The following CDH12 variants were observed in gnomAD, a reference collection of about 807,000 sequenced individuals.
The protein encoded by CDH12 is cadherin 12, also known as cadherin-12.
CDH12 carries 41 observed loss-of-function variants against 74.1 expected under a neutral mutation model. The observed-to-expected ratio is 0.55, with a 90% CI of 0.43 to 0.72. The LOEUF (loss-of-function observed/expected upper bound fraction) is 0.72. CDH12 is among the 30% of genes least tolerant of loss of function. The pLI, the probability that CDH12 is intolerant of heterozygous loss-of-function variation, is 0.00. For synonymous variants in CDH12, 399 were observed against 355.0 expected (o/e 1.12, Z -1.39); for missense variants, 945 against 977.2 (o/e 0.97, Z 0.44).
chr5:21,901,869 G>C (rs1401660575), intron 6 of CDH12, among the ~76,000 whole-genome samples: 2 of 151,412 alleles, frequency 1.3e-5, no homozygotes, highest in African/African-American at 4.8e-5. Context: ...CACAAGTTTT[G>C]CTCCAACTGT....
intron 4 of CDH12, chr5:22,141,339 C>A (rs531266566): frequency 6.6e-6 from 1 of 152,094 alleles, no homozygotes; most frequent in Non-Finnish European, 1.5e-5. Context: ...GTAGTTGGAG[C>A]AAGTTAGTCT....
intron 1 of CDH12, among the ~76,000 whole-genome samples, chr5:22,847,189 AATTT>A (rs1305478315): frequency 6.6e-6 from 1 of 152,160 alleles, no homozygotes; most frequent in African/African-American, 2.4e-5. Flanking sequence ...TTACTTGAGA[AATTT>A]ATTTGAGGTT....
chr5:22,067,950 C>T (rs1278827359), intron 5 of CDH12, among the ~76,000 whole-genome samples: 1 of 151,892 alleles, frequency 6.6e-6, no homozygotes, highest in African/African-American at 2.4e-5. Flanking sequence ...TGCACTCCAG[C>T]CTGGGTGACA....
intron 5 of CDH12, among the ~76,000 whole-genome samples, 163 bp downstream of exon 5, chr5:22,078,283 T>C (rs925895445): frequency 2.6e-5 from 4 of 152,126 alleles, no homozygotes; most frequent in Admixed American, 2.0e-4. Flanking sequence ...TTCTGAAGCT[T>C]ACCCGGGCCA....
chr5:22,632,995 A>G (rs946616076), intron 1 of CDH12, among the ~76,000 whole-genome samples: 2 of 152,238 alleles, frequency 1.3e-5, no homozygotes, highest in African/African-American at 4.8e-5. Context: ...GGAATCCTCA[A>G]TGAAATTAAC....
At chr5:22,567,957 T>C (rs1739371513) in intron 1 of CDH12, among the ~76,000 whole-genome samples, 1 of 152,226 alleles carries the variant, frequency 6.6e-6, no homozygotes, top group Non-Finnish European at 1.5e-5. Flanking sequence ...TAGTTCCTCA[T>C]TCCTCAATAT....
chr5:22,830,014 C>A (rs1736517340), intron 1 of CDH12, among the ~76,000 whole-genome samples: 1 of 152,118 alleles, frequency 6.6e-6, no homozygotes, highest in South Asian at 2.1e-4. Context: ...ATAATATTTT[C>A]ATTATATCAC....
chr5:22,030,526 GC>G lies in CDH12; in HGVS notation c.231+47919del, dbSNP rs1738744593. ...CAATACCTAGTAAGTTATGCTGTAA[GC>G]AGATGTGCTGTCATCCAGGGTTTGT... On this transcript the variant is annotated intron_variant, in intron 5 of 14. Coordinates refer to ENST00000382254, the MANE Select transcript of CDH12 (RefSeq NM_004061.5). 2.0e-5 allele frequency among the ~76,000 whole-genome samples: 3 copies of G among 152,330 alleles called. No homozygotes were observed. In the South Asian group the frequency reaches 6.2e-4, roughly 32 times the overall value.
intron 3 of CDH12, among the ~76,000 whole-genome samples, chr5:22,251,342 A>G (rs113487603): frequency 6.6e-6 from 1 of 152,142 alleles, no homozygotes; most frequent in African/African-American, 2.4e-5. Context: ...TATAGGTGTG[A>G]GAGGGGCATG....
chr5:21,918,937 C>T (rs1006842634), intron 6 of CDH12, among the ~76,000 whole-genome samples: 8 of 152,112 alleles, frequency 5.3e-5, no homozygotes, highest in African/African-American at 1.9e-4. Context: ...TTCAGTTTTA[C>T]AAAGTCATAT....
intron 5 of CDH12, among the ~76,000 whole-genome samples, chr5:22,061,936 TTAAAG>T: frequency 6.6e-6 from 1 of 152,114 alleles, no homozygotes; most frequent in African/African-American, 2.4e-5. Context: ...TATCCTCACT[TTAAAG>T]TAACTATAGT....
chr5:22,714,306 A>G (rs145728098), intron 1 of CDH12, among the ~76,000 whole-genome samples: 1,546 of 152,278 alleles, frequency 0.01, 13 homozygotes, highest in Non-Finnish European at 0.016. Flanking sequence ...AACTTTCTAA[A>G]TAGAGTGGTT....
chr5:21,842,387 T>A (rs549616041), intron 7 of CDH12, 59 bp from the exon 8 acceptor site: 1 of 1,187,906 alleles, frequency 8.4e-7, no homozygotes, highest in African/African-American at 1.5e-5. Context: ...TTTTCTGAAA[T>A]AAAATAAAAT....
At chr5:22,066,667 A>G (rs2150211727) in intron 5 of CDH12, among the ~76,000 whole-genome samples, 1 of 152,306 alleles carries the variant, frequency 6.6e-6, no homozygotes, top group South Asian at 2.1e-4. Flanking sequence ...GGGAAAGTCC[A>G]AGGGGATACC....
intron 6 of CDH12, among the ~76,000 whole-genome samples, chr5:21,880,616 C>CTTTCTTTCTTTCT: frequency 2.0e-5 from 1 of 50,866 alleles, no homozygotes; most frequent in Non-Finnish European, 3.6e-5. Flanking sequence ...TCCTTCCTTC[C>CTTTCTTTCTTTCT]TTCTTTCTTT....
At chr5:21,880,572 T>TTCCTTCCTTCCTTCCTTCCTTCC (rs1579895240) in intron 6 of CDH12, among the ~76,000 whole-genome samples, 11 of 12,954 alleles carry the variant, frequency 8.5e-4, no homozygotes, top group Admixed American at 1.9e-3. Context: ...CCCTTCTTTC[T>TTCCTTCCTTCCTTCCTTCCTTCC]TTCCTTCCTT....
chr5:22,244,335 C>A (rs1170098755), intron 3 of CDH12, among the ~76,000 whole-genome samples: 2 of 151,110 alleles, frequency 1.3e-5, no homozygotes, highest in African/African-American at 4.9e-5. Flanking sequence ...CATAAAAATA[C>A]AAAAATTAGC....
chr5:22,635,891 C>G (rs2126863169), intron 1 of CDH12, among the ~76,000 whole-genome samples: 1 of 151,400 alleles, frequency 6.6e-6, no homozygotes, highest in Admixed American at 6.6e-5. Context: ...CCAGCCTGGG[C>G]CACAGAATGA....
At chr5:22,394,225 G>A (rs1378970773) in intron 3 of CDH12, among the ~76,000 whole-genome samples, 2 of 151,956 alleles carry the variant, frequency 1.3e-5, no homozygotes, top group South Asian at 2.1e-4. Flanking sequence ...AATAGAAATG[G>A]TATTATCCAG....
Sources: gnomAD v4.1 joint callset for allele counts (sites outside exome capture counted in the v4.1 genomes callset) on GRCh38, gnomAD v4.1.1 for gene constraint, MANE v1.5 for transcripts, NCBI Gene and HGNC (gene_info 2026-07-23, HGNC 2026-07-21) for gene names.